The following GALNTL6 variants were observed in gnomAD, a reference collection of about 807,000 sequenced individuals.
GALNTL6 encodes polypeptide N-acetylgalactosaminyltransferase like 6.
GALNTL6 carries 46 observed loss-of-function variants against 73.7 expected under a neutral mutation model. The ratio of observed to expected loss-of-function variants is 0.62; its 90% CI spans 0.49 to 0.80. The LOEUF is 0.80. Ranked by LOEUF, GALNTL6 falls within the 30% of genes least tolerant of loss-of-function variation. The probability of loss-of-function intolerance (pLI) is 0.00; values close to 1 mark genes in which losing one functional copy is unlikely to be tolerated. For missense variants in GALNTL6, 604 were observed against 755.0 expected (o/e 0.80, Z 2.34); for synonymous variants, 259 against 263.7 (o/e 0.98, Z 0.17).
chr4:172,146,404 T>C (rs1733929125), intron 2 of GALNTL6, among the ~76,000 whole-genome samples: 2 of 152,214 alleles, frequency 1.3e-5, no homozygotes, highest in African/African-American at 4.8e-5. Context: ...AAAAATCACC[T>C]GTAAACTTTA....
chr4:172,167,718 G>A (rs569339960), intron 2 of GALNTL6, among the ~76,000 whole-genome samples: 19 of 151,860 alleles, frequency 1.3e-4, no homozygotes, highest in African/African-American at 3.9e-4. Context: ...CAGCACTTTG[G>A]GAGGCCGAGG....
chr4:172,429,412 A>G (rs1164469080), intron 5 of GALNTL6, among the ~76,000 whole-genome samples: 1 of 151,816 alleles, frequency 6.6e-6, no homozygotes, highest in Non-Finnish European at 1.5e-5. Flanking sequence ...GCATTTCACT[A>G]TGTTGGCCAG....
chr4:171,904,523 G>A (rs1737211639), intron 2 of GALNTL6, among the ~76,000 whole-genome samples: 1 of 152,190 alleles, frequency 6.6e-6, no homozygotes, highest in East Asian at 1.9e-4. Context: ...TCTGATTGGT[G>A]TACATGAAAG....
At chr4:171,883,340 A>G (rs1463267201) in intron 2 of GALNTL6, among the ~76,000 whole-genome samples, 2 of 152,192 alleles carry the variant, frequency 1.3e-5, no homozygotes, top group Non-Finnish European at 2.9e-5. Flanking sequence ...CGACAGAGCA[A>G]GACTCCATCT....
intron 5 of GALNTL6, among the ~76,000 whole-genome samples, chr4:172,408,021 G>A (rs1475030595): frequency 2.6e-5 from 4 of 151,962 alleles, no homozygotes; most frequent in African/African-American, 4.8e-5. Flanking sequence ...GGCCACTTTA[G>A]GAAACACTGC....
chr4:172,924,334 C>T (rs1289368568), intron 8 of GALNTL6, among the ~76,000 whole-genome samples: 6 of 152,308 alleles, frequency 3.9e-5, no homozygotes, highest in Admixed American at 1.3e-4. Context: ...CCCGCACTTC[C>T]GGGCAACACT....
intron 5 of GALNTL6, among the ~76,000 whole-genome samples, chr4:172,615,904 A>G (rs1304472335): frequency 6.6e-6 from 1 of 152,138 alleles, no homozygotes; most frequent in Non-Finnish European, 1.5e-5. Flanking sequence ...CAACCACACA[A>G]TACCACCAGC....
At chr4:172,016,827 C>G (rs1041636872) in intron 2 of GALNTL6, among the ~76,000 whole-genome samples, 5 of 151,798 alleles carry the variant, frequency 3.3e-5, no homozygotes, top group African/African-American at 1.2e-4. Context: ...CTTGGGGCTT[C>G]TAGGGGTGAA....
intron 2 of GALNTL6, among the ~76,000 whole-genome samples, chr4:172,180,683 C>G (rs929334279): frequency 3.9e-5 from 6 of 152,134 alleles, no homozygotes; most frequent in Non-Finnish European, 8.8e-5. Flanking sequence ...CCAGTTTTCC[C>G]AACACCATTT....
chr4:172,134,923 C>T (rs945996743), intron 2 of GALNTL6, among the ~76,000 whole-genome samples: 6 of 152,178 alleles, frequency 3.9e-5, no homozygotes, highest in African/African-American at 1.4e-4. Flanking sequence ...AGATCACATT[C>T]ACTCACATTC....
rs1490578000 is a variant in GALNTL6, at chr4:173,014,196, A to G, written c.1488+4902A>G. On this transcript the variant is annotated intron_variant, in intron 11 of 12. Transcript: ENST00000506823. ...AACGTGGTTTCTGTGAAGGAAGCAA[A>G]TGTATGATTCATTTTGCCAGGGCAA... Among the ~76,000 whole-genome samples the G allele has an allele frequency of 2.0e-5, 3 of 152,364 alleles. No individual in the cohort carries two copies. In the East Asian group the frequency reaches 5.8e-4, roughly 29 times the overall value.
chr4:172,037,819 T>A (rs1228166359), intron 2 of GALNTL6, among the ~76,000 whole-genome samples: 3 of 151,900 alleles, frequency 2.0e-5, no homozygotes, highest in Admixed American at 1.3e-4. Flanking sequence ...AACTTAACTT[T>A]AAAAAAAAAT....
At chr4:172,685,235 T>C (rs1732850116) in intron 5 of GALNTL6, among the ~76,000 whole-genome samples, 1 of 152,158 alleles carries the variant, frequency 6.6e-6, no homozygotes, top group African/African-American at 2.4e-5. Flanking sequence ...GATAATAAAA[T>C]GCCACAGCAA....
At chr4:172,530,992 T>A (rs918997016) in intron 5 of GALNTL6, among the ~76,000 whole-genome samples, 7 of 148,480 alleles carry the variant, frequency 4.7e-5, no homozygotes, top group Admixed American at 1.4e-4. Context: ...AAAAAAATTA[T>A]CACAATTTCT....
intron 2 of GALNTL6, among the ~76,000 whole-genome samples, chr4:171,881,780 T>C (rs2110912618): frequency 6.6e-6 from 1 of 152,342 alleles, no homozygotes; most frequent in South Asian, 2.1e-4. Flanking sequence ...TTCCAATTTT[T>C]CCTTTTCTGA....
In GALNTL6 at chr4:172,014,204, T is replaced by C. The variant is rs544617164; in HGVS notation, c.138+199486T>C. On this transcript the variant is annotated intron_variant, in intron 2 of 12. Coordinates refer to ENST00000506823, the MANE Select transcript of GALNTL6 (RefSeq NM_001034845.3). Reference sequence around the variant, plus strand: ...CATGGGAGTGCAGATATCTCTTCAATATACTGATTTCCTTTCTTTTGGGTA... The same window carrying C: ...CATGGGAGTGCAGATATCTCTTCAACATACTGATTTCCTTTCTTTTGGGTA... Among the ~76,000 whole-genome samples the C allele has an allele frequency of 4.6e-5, 7 of 152,148 alleles. No homozygotes were observed. In the East Asian group the frequency reaches 7.8e-4, roughly 17 times the overall value.
chr4:172,022,116 A>G (rs964741532), intron 2 of GALNTL6, among the ~76,000 whole-genome samples: 1 of 152,194 alleles, frequency 6.6e-6, no homozygotes, highest in African/African-American at 2.4e-5. Flanking sequence ...GCTTCTGAAC[A>G]AGCAAGGAAA....
At chr4:172,702,380 C>T (rs79422621) in intron 5 of GALNTL6, among the ~76,000 whole-genome samples, 3,310 of 152,046 alleles carry the variant, frequency 0.022, 117 homozygotes, top group African/African-American at 0.075. Flanking sequence ...TCCTATTTTG[C>T]GCTATCTCTC....
chr4:172,413,791 T>C (rs1038152643), intron 5 of GALNTL6, among the ~76,000 whole-genome samples: 1 of 152,128 alleles, frequency 6.6e-6, no homozygotes, highest in African/African-American at 2.4e-5. Flanking sequence ...TAAATTGCCA[T>C]AGGTTTGTTT....
Sources: gnomAD v4.1 joint callset for allele counts (sites outside exome capture counted in the v4.1 genomes callset) on GRCh38, gnomAD v4.1.1 for gene constraint, MANE v1.5 for transcripts, NCBI Gene and HGNC (gene_info 2026-07-23, HGNC 2026-07-21) for gene names.